SNTB1: variants seen among roughly 807,000 people sequenced by gnomAD.
SNTB1 encodes the protein syntrophin beta 1.
In SNTB1, 36 loss-of-function variants were observed where a neutral mutation model predicts 48.9. The observed-to-expected ratio is 0.74, with a 90% CI of 0.56 to 0.97. SNTB1 has a LOEUF of 0.97. SNTB1 is among the 50% of genes least tolerant of loss of function. The pLI is 0.00. For synonymous variants in SNTB1, 299 were observed against 294.6 expected, an observed-to-expected ratio of 1.01 and a Z score of -0.15; for missense variants, 786 against 703.4, an observed-to-expected ratio of 1.12 and a Z score of -1.33.
At chr8:120,571,272 A>G (rs1815837310) in intron 4 of SNTB1, 1 of 1,284,558 alleles carries the variant, frequency 7.8e-7, no homozygotes, top group African/African-American at 1.5e-5. Flanking sequence ...TTTGCTTCTT[A>G]GTAACTGGAA....
chr8:120,700,586 G>A (rs746702761), intron 1 of SNTB1, among the ~76,000 whole-genome samples: 1 of 152,156 alleles, frequency 6.6e-6, no homozygotes, highest in Admixed American at 6.5e-5. Context: ...GAAAAGGGGC[G>A]GAGAGGAGTC....
chr8:120,708,810 G>GT (rs1818417638), intron 1 of SNTB1, among the ~76,000 whole-genome samples: 1 of 152,044 alleles, frequency 6.6e-6, no homozygotes, highest in Non-Finnish European at 1.5e-5. Flanking sequence ...GAAATAGAAG[G>GT]TAACTTCCTT....
intron 3 of SNTB1, among the ~76,000 whole-genome samples, chr8:120,595,093 C>T (rs1816301214): frequency 6.6e-6 from 1 of 152,104 alleles, no homozygotes; most frequent in Non-Finnish European, 1.5e-5. Flanking sequence ...TGAGGCTTGA[C>T]TGCACAGGTT....
chr8:120,810,187 C>A (rs1382460472), intron 1 of SNTB1, among the ~76,000 whole-genome samples: 2 of 152,168 alleles, frequency 1.3e-5, no homozygotes, highest in African/African-American at 4.8e-5. Flanking sequence ...CCAGATACCG[C>A]AATCTACAGC....
At chr8:120,789,106 A>G (rs915848688) in intron 1 of SNTB1, among the ~76,000 whole-genome samples, 2 of 152,042 alleles carry the variant, frequency 1.3e-5, no homozygotes, top group African/African-American at 4.8e-5. Flanking sequence ...AACCATACAA[A>G]TACATAGTGA....
chr8:120,548,946 TG>T lies in SNTB1; in HGVS notation c.1148del (p.Ser383Ter). The T allele has an allele frequency of 6.3e-7, 1 of 1,585,916 alleles. No individual in the cohort carries two copies. Among genetic ancestry groups the T allele is most frequent in the Non-Finnish European group, 8.6e-7 (1 of 1,167,070 alleles). ...YPLLATRLVH[S>X]GPGKGSPQAG... ...CCTGGGGTGATCCCTTTCCTGGACC[TG>T]AATGGACCAGCCTGGAGAGAGAGAG... On this transcript the variant is annotated frameshift_variant, in exon 5 of 7. Transcript: ENST00000517992. LOFTEE classifies it high-confidence loss of function.
chr8:120,649,016 A>G (rs560199008), intron 2 of SNTB1, among the ~76,000 whole-genome samples: 190 of 149,072 alleles, frequency 1.3e-3, no homozygotes, highest in African/African-American at 4.3e-3. Context: ...TTTCAGCTCC[A>G]TCAGCTCCTT....
intron 1 of SNTB1, among the ~76,000 whole-genome samples, chr8:120,784,636 C>T (rs1001273484): frequency 1.3e-5 from 2 of 152,134 alleles, no homozygotes; most frequent in Admixed American, 1.3e-4. Context: ...GTGTGGAATG[C>T]TGTGGAAAAA....
intron 5 of SNTB1, among the ~76,000 whole-genome samples, chr8:120,542,356 C>T (rs1446925270): frequency 6.6e-6 from 1 of 152,204 alleles, no homozygotes; most frequent in African/African-American, 2.4e-5. Context: ...AAAAACAGAA[C>T]TTTGATTTAA....
intron 1 of SNTB1, among the ~76,000 whole-genome samples, chr8:120,781,310 A>C (rs939392107): frequency 1.1e-4 from 16 of 152,318 alleles, no homozygotes; most frequent in African/African-American, 3.4e-4. Flanking sequence ...GGCATTGAGG[A>C]GGATGGGGAT....
intron 2 of SNTB1, 144 bp downstream of exon 2, chr8:120,693,548 C>G: frequency 1.4e-6 from 1 of 714,852 alleles, no homozygotes; most frequent in Admixed American, 2.4e-5. Flanking sequence ...CAGACACACA[C>G]AATTCTCAGC....
At chr8:120,774,587 T>A (rs140265778) in intron 1 of SNTB1, among the ~76,000 whole-genome samples, 1 of 152,284 alleles carries the variant, frequency 6.6e-6, no homozygotes, top group Non-Finnish European at 1.5e-5. Flanking sequence ...GTTTCTAGCT[T>A]GGGAGCCTGG....
intron 1 of SNTB1, among the ~76,000 whole-genome samples, chr8:120,702,753 A>G (rs1818326956): frequency 6.6e-6 from 1 of 152,228 alleles, no homozygotes; most frequent in Non-Finnish European, 1.5e-5. Context: ...TAAGGTCCTC[A>G]AAGTTGAATG....
chr8:120,801,784 C>A (rs372412546), intron 1 of SNTB1, among the ~76,000 whole-genome samples: 9 of 152,190 alleles, frequency 5.9e-5, no homozygotes, highest in African/African-American at 2.2e-4. Context: ...GTCCGGGGGC[C>A]TCCCCACCTG....
chr8:120,542,818 C>T (rs1430488363), intron 5 of SNTB1, among the ~76,000 whole-genome samples: 3 of 151,910 alleles, frequency 2.0e-5, no homozygotes, highest in African/African-American at 7.3e-5. Flanking sequence ...ATACATAAGT[C>T]AGGAATGAGT....
At chr8:120,784,953 G>C (rs898148541) in intron 1 of SNTB1, among the ~76,000 whole-genome samples, 1 of 152,162 alleles carries the variant, frequency 6.6e-6, no homozygotes, top group Non-Finnish European at 1.5e-5. Flanking sequence ...AAGGGGGAAG[G>C]CCTCAACCCT....
intron 1 of SNTB1, among the ~76,000 whole-genome samples, chr8:120,793,064 T>C (rs1365836223): frequency 6.6e-6 from 1 of 151,996 alleles, no homozygotes; most frequent in Non-Finnish European, 1.5e-5. Context: ...AGGTGCTCAA[T>C]GTGTGCAAAC....
At chr8:120,745,233 T>C (rs1359605574) in intron 1 of SNTB1, among the ~76,000 whole-genome samples, 1 of 152,102 alleles carries the variant, frequency 6.6e-6, no homozygotes, top group African/African-American at 2.4e-5. Context: ...TCAGCCCCTG[T>C]TGATGCATCT....
intron 3 of SNTB1, among the ~76,000 whole-genome samples, chr8:120,599,319 T>C (rs182920822): frequency 1.3e-5 from 2 of 152,346 alleles, no homozygotes; most frequent in East Asian, 3.8e-4. Flanking sequence ...AGCTGTATAA[T>C]TGTGTGATTT....
Sources: allele counts gnomAD v4.1 joint callset (sites outside exome capture counted in the v4.1 genomes callset), GRCh38; gene constraint gnomAD v4.1.1; transcripts MANE v1.5; gene names NCBI Gene and HGNC (gene_info 2026-07-23, HGNC 2026-07-21).